Variants in OTULINL observed in about 807,000 individuals in gnomAD.
The protein encoded by OTULINL is inactive ubiquitin thioesterase OTULINL.
In OTULINL, 42 loss-of-function variants were observed where a neutral mutation model predicts 43.9. The observed-to-expected ratio is 0.96, with a 90% CI of 0.75 to 1.24. The LOEUF is 1.24. OTULINL is among the 50% of genes most tolerant of loss of function. The pLI, the probability that OTULINL is intolerant of heterozygous loss-of-function variation, is 0.00. For missense variants in OTULINL, 411 were observed against 426.4 expected (o/e 0.96, Z 0.32); for synonymous variants, 172 against 153.6 (o/e 1.12, Z -0.88).
At chr5:14,582,035 A>T (rs2126765691) in intron 1 of OTULINL, 77 bp downstream of exon 1, 1 of 1,056,866 alleles carries the variant, frequency 9.5e-7, no homozygotes, top group Non-Finnish European at 1.2e-6. Context: ...GCAGGCAGCC[A>T]GGGACGCGCC....
intron 5 of OTULINL, among the ~76,000 whole-genome samples, chr5:14,602,888 A>C (rs1468520882): frequency 6.6e-6 from 1 of 152,220 alleles, no homozygotes; most frequent in African/African-American, 2.4e-5. Context: ...AAGGTGATCA[A>C]GCAAAATTCA....
intron 6 of OTULINL, 38 bp from the exon 7 acceptor site, chr5:14,608,709 CT>C: frequency 6.5e-7 from 1 of 1,528,920 alleles, no homozygotes; most frequent in Non-Finnish European, 8.9e-7. Context: ...ATGTCTTCAC[CT>C]TTATCCTTCT....
intron 1 of OTULINL, among the ~76,000 whole-genome samples, chr5:14,587,894 A>G (rs1314594262): frequency 6.6e-6 from 1 of 152,078 alleles, no homozygotes; most frequent in Non-Finnish European, 1.5e-5. Flanking sequence ...AGCCTATTAC[A>G]TCTCCCTTTC....
rs1355864411 is a variant in OTULINL, at chr5:14,610,166, C to T, written c.923C>T (p.Ser308Phe). The change falls in exon 8 of 8, where the codon TCC becomes TTC. Residue 308 changes from serine (S) to phenylalanine (F), a missense_variant. Physicochemically the swap from Ser to Phe is radical, Grantham distance 155. Transcript: ENST00000274217. ...ATTGATATGTTTATACTTGGATACTCCCTTGAAGTAAAGATAAAAGTGTTC... is the reference window on the plus strand; with the variant it reads ...ATTGATATGTTTATACTTGGATACTTCCTTGAAGTAAAGATAAAAGTGTTC... ...EQIDMFILGY[S>F]LEVKIKVFRL... The T allele has an allele frequency of 1.9e-6, 3 of 1,614,016 alleles. No individual in the cohort carries two copies. Among genetic ancestry groups the T allele is most frequent in the African/African-American group, 2.7e-5 (2 of 75,036 alleles).
intron 1 of OTULINL, among the ~76,000 whole-genome samples, chr5:14,595,640 C>CTTTTTTTTT (rs61482298): frequency 5.3e-5 from 3 of 57,110 alleles, no homozygotes; most frequent in African/African-American, 6.3e-5. Flanking sequence ...AAAAACGGTG[C>CTTTTTTTTT]TTTTTTTTTT....
At chr5:14,582,599 GCCTAGCCAGCATAGCGAAAC>G (rs756269046) in intron 1 of OTULINL, among the ~76,000 whole-genome samples, 40 of 152,192 alleles carry the variant, frequency 2.6e-4, no homozygotes, top group Non-Finnish European at 2.6e-4. Context: ...TTCGAGACCA[GCCTAGCCAGCATAGCGAAAC>G]CCTGGCCAGC....
In OTULINL at chr5:14,601,393, G is replaced by A. The variant is rs934283500; in HGVS notation, c.299G>A (p.Cys100Tyr). The change falls in exon 4 of 8, where the codon TGT becomes TAT. Residue 100 changes from cysteine (C) to tyrosine (Y), a missense_variant. Transcript: ENST00000274217. ...GCAGAGGTTGATTTACTCAGTTATT[G>A]TGCAAGAGAATGGAAAGGAGAGACA... ...VEAEVDLLSY[C>Y]AREWKGETPR... 2.5e-6 allele frequency: 4 copies of A among 1,614,156 alleles called. No homozygotes were observed. Among genetic ancestry groups the A allele is most frequent in the Admixed American group, 1.7e-5 (1 of 60,012 alleles).
intron 6 of OTULINL, 148 bp from the exon 7 acceptor site, chr5:14,608,598 CAA>C (rs1759519620): frequency 9.1e-6 from 6 of 659,126 alleles, no homozygotes; most frequent in African/African-American, 1.8e-5. Context: ...TAAAAAAAAT[CAA>C]ACAGTGCCGA....
At chr5:14,606,872 A>T (rs1055768678) in intron 5 of OTULINL, among the ~76,000 whole-genome samples, 26 of 152,238 alleles carry the variant, frequency 1.7e-4, no homozygotes, top group African/African-American at 6.3e-4. Context: ...CTGAGGCACA[A>T]ATCTAAAAGA....
chr5:14,609,755 C>T (rs943709105), intron 7 of OTULINL, among the ~76,000 whole-genome samples: 8 of 151,756 alleles, frequency 5.3e-5, no homozygotes, highest in African/African-American at 7.3e-5. Flanking sequence ...CTCAGCCTCC[C>T]GAGTAGCTGG....
chr5:14,601,877 G>T (rs1356533490), intron 4 of OTULINL, among the ~76,000 whole-genome samples: 1 of 152,218 alleles, frequency 6.6e-6, no homozygotes, highest in African/African-American at 2.4e-5. Context: ...AAAAAAGGGT[G>T]GAGGGAGTAC....
intron 1 of OTULINL, among the ~76,000 whole-genome samples, chr5:14,587,435 G>T (rs1759126323): frequency 6.6e-6 from 1 of 152,252 alleles, no homozygotes; most frequent in Non-Finnish European, 1.5e-5. Context: ...TGGCACTCAT[G>T]TCAGTGGATG....
chr5:14,615,187 C>T lies in OTULINL; in HGVS notation c.*4873C>T, dbSNP rs1228646585. 3.3e-5 allele frequency among the ~76,000 whole-genome samples: 5 copies of T among 152,192 alleles called. No individual in the cohort carries two copies. Among genetic ancestry groups the T allele is most frequent in the Admixed American group, 6.5e-5 (1 of 15,284 alleles). On this transcript the variant is annotated 3_prime_UTR_variant, in exon 8 of 8. Coordinates refer to ENST00000274217, the MANE Select transcript of OTULINL (RefSeq NM_019018.3). ...TTAAGGATGGTTTGTGACTTTACCC[C>T]ATTGTGCCTTATCATTTGTCAGCAA...
chr5:14,595,050 C>G (rs983967493), intron 1 of OTULINL, among the ~76,000 whole-genome samples: 1 of 152,114 alleles, frequency 6.6e-6, no homozygotes, highest in African/African-American at 2.4e-5. Flanking sequence ...TTCTTTTAGC[C>G]AGGTGATTTC....
Position 14,581,898 on chromosome 5 carries a change from GC to G in OTULINL, c.5del (p.Ala2GlyfsTer30). 1 of 1,414,264 alleles carries G rather than the reference GC, an allele frequency of 7.1e-7. No individual in the cohort carries two copies. Among genetic ancestry groups the G allele is most frequent in the Non-Finnish European group, 9.2e-7 (1 of 1,083,846 alleles). 87.6% of individuals were successfully genotyped at this position (1,414,264 alleles called of 1,614,324 possible). ...GCCCGTCCGCAGCGCGGCCGGCATG[GC>G]GGCGACAAGGAGCCCCACGCGGGCA... M[A>X]ATRSPTRARE... is the part of the protein sequence containing the mutation. On this transcript the variant is annotated frameshift_variant, in exon 1 of 8. Coordinates refer to ENST00000274217, the MANE Select transcript of OTULINL (RefSeq NM_019018.3). LOFTEE classifies it high-confidence loss of function.
intron 1 of OTULINL, among the ~76,000 whole-genome samples, chr5:14,591,807 G>C (rs1344230692): frequency 6.6e-6 from 1 of 152,156 alleles, no homozygotes; most frequent in African/African-American, 2.4e-5. Flanking sequence ...AACAGGGTCA[G>C]CAAGCCACAG....
rs369763487 is a variant in OTULINL at position 14,607,147 on chromosome 5, T to C, written c.499-183T>C. Among the ~76,000 whole-genome samples the C allele has an allele frequency of 9.2e-5, 14 of 152,246 alleles. No homozygotes were observed. In the East Asian group the frequency reaches 1.2e-3, roughly 13 times the overall value. On this transcript the variant is annotated intron_variant, in intron 5 of 7. Coordinates refer to ENST00000274217, the MANE Select transcript of OTULINL (RefSeq NM_019018.3). Reference sequence around the variant, plus strand: ...CAGGAGGCTGAGGCAGCAGAAACGCTTGGACCTGGGAGGTGGAGGTTGCAG... The same window carrying C: ...CAGGAGGCTGAGGCAGCAGAAACGCCTGGACCTGGGAGGTGGAGGTTGCAG...
intron 6 of OTULINL, among the ~76,000 whole-genome samples, chr5:14,608,079 ATTC>A (rs1482505971): frequency 6.6e-6 from 1 of 152,248 alleles, no homozygotes; most frequent in African/African-American, 2.4e-5. Context: ...CACTAGCACT[ATTC>A]TGTGGAATAT....
intron 1 of OTULINL, among the ~76,000 whole-genome samples, chr5:14,592,819 C>A (rs889671181): frequency 2.6e-5 from 4 of 152,192 alleles, no homozygotes; most frequent in African/African-American, 9.6e-5. Context: ...AGAGCCTTCC[C>A]TTGCTCTTCA....
Sources: allele counts gnomAD v4.1 joint callset (sites outside exome capture counted in the v4.1 genomes callset), GRCh38; gene constraint gnomAD v4.1.1; transcripts MANE v1.5; gene names NCBI Gene and HGNC (gene_info 2026-07-23, HGNC 2026-07-21).